RAB11FIP4: variants seen among roughly 807,000 people sequenced by gnomAD.
The protein encoded by RAB11FIP4 is rab11 family-interacting protein 4.
Under a neutral mutation model 74.3 loss-of-function variants are expected in RAB11FIP4, and 23 were observed. The ratio of observed to expected loss-of-function variants is 0.31; its 90% CI spans 0.22 to 0.44. RAB11FIP4 has a LOEUF of 0.44. Among genes scored for constraint, RAB11FIP4 ranks in the 20% least tolerant of loss-of-function variants. RAB11FIP4 has a pLI of 1.00. For missense variants in RAB11FIP4, 630 were observed against 863.9 expected, an observed-to-expected ratio of 0.73 and a Z score of 3.39; for synonymous variants, 360 against 359.9, an observed-to-expected ratio of 1.00 and a Z score of 0.00.
Position 31,491,568 on chromosome 17 carries a change from G to A in RAB11FIP4, c.337-26083G>A, listed in dbSNP as rs1360053989. 2.0e-5 allele frequency among the ~76,000 whole-genome samples: 3 copies of A among 152,178 alleles called. No homozygotes were observed. The East Asian group carries it at 5.8e-4, about 29-fold the overall frequency. On this transcript the variant is annotated intron_variant, in intron 3 of 14. Coordinates refer to ENST00000621161, the MANE Select transcript of RAB11FIP4 (RefSeq NM_032932.6). ...GGCAGAGAAAAGAGGAACTGCAAGG[G>A]CCCTGAGGTGGGACGGTGGCTGGCA...
intron 3 of RAB11FIP4, among the ~76,000 whole-genome samples, chr17:31,479,418 T>C (rs1458887249): frequency 6.6e-6 from 1 of 152,204 alleles, no homozygotes; most frequent in Non-Finnish European, 1.5e-5. Flanking sequence ...GGGTGAGGGA[T>C]TCTCAGTCCC....
chr17:31,433,995 CA>C, intron 2 of RAB11FIP4, 38 bp from the exon 3 acceptor site: 1 of 1,541,262 alleles, frequency 6.5e-7, no homozygotes, highest in African/African-American at 1.3e-5. Context: ...GGCTGAGGCT[CA>C]ACCCCTCACT....
chr17:31,481,824 C>T (rs537369902), intron 3 of RAB11FIP4, among the ~76,000 whole-genome samples: 22 of 152,244 alleles, frequency 1.4e-4, no homozygotes, highest in African/African-American at 5.1e-4. Flanking sequence ...CAGGTTGACA[C>T]AAATAGAGCT....
intron 3 of RAB11FIP4, among the ~76,000 whole-genome samples, chr17:31,482,937 A>G (rs916123427): frequency 2.6e-5 from 4 of 151,576 alleles, no homozygotes; most frequent in Non-Finnish European, 5.9e-5. Context: ...GCTCACACCC[A>G]TAATCCCAGC....
chr17:31,463,028 C>T (rs767790712), intron 3 of RAB11FIP4, among the ~76,000 whole-genome samples: 2 of 152,160 alleles, frequency 1.3e-5, no homozygotes, highest in African/African-American at 2.4e-5. Context: ...ATCATGAGGC[C>T]GCCTCTGCAC....
At chr17:31,528,567 C>G (rs1232835451) in intron 12 of RAB11FIP4, 24 bp downstream of exon 12, 2 of 1,613,412 alleles carry the variant, frequency 1.2e-6, no homozygotes, top group African/African-American at 2.7e-5. Context: ...CAGCAGGCAC[C>G]AGGGCTCCTT....
chr17:31,428,520 A>G (rs180793818), intron 1 of RAB11FIP4, among the ~76,000 whole-genome samples: 113 of 152,246 alleles, frequency 7.4e-4, no homozygotes, highest in Middle Eastern at 3.4e-3. Flanking sequence ...TGGCTGTGCT[A>G]TAGATACTGA....
rs923338064 is a variant in RAB11FIP4 at position 31,512,477 on chromosome 17, G to A, written c.337-5174G>A. On this transcript the variant is annotated intron_variant, in intron 3 of 14. Transcript: ENST00000621161. The surrounding 1 kb of genome is among the most constrained non-coding windows in gnomAD (Gnocchi z 4.1). ...CCTCCTGGGGCTTCTGGAGGAACAC[G>A]CTGCTGCATCCGCTCTCTCCCTTCA... 2.6e-5 allele frequency among the ~76,000 whole-genome samples: 4 copies of A among 152,140 alleles called. No individual in the cohort carries two copies. The highest frequency in any genetic ancestry group is 6.5e-5 in the Admixed American group (1 of 15,286).
chr17:31,404,605 T>C (rs2071026051), intron 1 of RAB11FIP4, among the ~76,000 whole-genome samples: 2 of 152,230 alleles, frequency 1.3e-5, no homozygotes, highest in South Asian at 4.1e-4. Context: ...TACCACCACC[T>C]CTAGGTTTTC....
chr17:31,459,707 G>C (rs533002195), intron 3 of RAB11FIP4, among the ~76,000 whole-genome samples: 1 of 152,092 alleles, frequency 6.6e-6, no homozygotes, highest in East Asian at 1.9e-4. Context: ...TGTCATCTTT[G>C]ACACAGCTCG....
At chr17:31,522,080 G>C in intron 6 of RAB11FIP4, 31 bp downstream of exon 6, 1 of 1,613,462 alleles carries the variant, frequency 6.2e-7, no homozygotes. Context: ...GGGGGTGAGA[G>C]GCCGGGGGGC....
At chr17:31,525,467 C>A in intron 10 of RAB11FIP4, 1 of 550,556 alleles carries the variant, frequency 1.8e-6, no homozygotes, top group South Asian at 2.4e-5. Context: ...TAATGCAAAC[C>A]ACACAAATGT....
chr17:31,528,365 T>C, intron 11 of RAB11FIP4, 41 bp from the exon 12 acceptor site: 1 of 1,595,510 alleles, frequency 6.3e-7, no homozygotes, highest in South Asian at 1.1e-5. Flanking sequence ...TGAGCCCCTC[T>C]CTGGGAACTC....
At chr17:31,516,996 A>T (rs1005341387) in intron 3 of RAB11FIP4, among the ~76,000 whole-genome samples, 8 of 151,742 alleles carry the variant, frequency 5.3e-5, no homozygotes, top group African/African-American at 1.9e-4. Context: ...CACCCTATGC[A>T]AACATCTGAT....
chr17:31,528,887 C>G (rs929684876), intron 13 of RAB11FIP4, 109 bp downstream of exon 13: 58 of 1,231,084 alleles, frequency 4.7e-5, no homozygotes, highest in Non-Finnish European at 6.3e-5. Flanking sequence ...GCAGCACTGC[C>G]TGTCTGCTTC....
At chr17:31,435,316 T>C (rs945084481) in intron 3 of RAB11FIP4, among the ~76,000 whole-genome samples, 1 of 152,114 alleles carries the variant, frequency 6.6e-6, no homozygotes, top group Non-Finnish European at 1.5e-5. Flanking sequence ...ACCAACCCCA[T>C]CCTGAAGCTC....
chr17:31,528,920 T>C (rs2072820238), intron 13 of RAB11FIP4, 142 bp downstream of exon 13: 2 of 917,566 alleles, frequency 2.2e-6, no homozygotes, highest in African/African-American at 3.3e-5. Context: ...TTGCCAGGGC[T>C]GACTGCCCCA....
At position 31,445,564 on chromosome 17, in the gene RAB11FIP4, ATATATATATATATATTTTTTTTTTTTT is replaced by A. The variant is rs1213745374; in HGVS notation, c.336+11444_336+11470del. Among the ~76,000 whole-genome samples the A allele has an allele frequency of 4.5e-3, 59 of 13,122 alleles. 4 individuals are homozygous for A. Among genetic ancestry groups the A allele is most frequent in the African/African-American group, 0.014 (57 of 4,124 alleles). The allele number at this position is 13,122 out of a possible 152,430, so 8.6% of individuals were successfully genotyped here. On this transcript the variant is annotated intron_variant, in intron 3 of 14. Transcript: ENST00000621161. ...TATATATATATATATATATATATAT[ATATATATATATATATTTTTTTTTTTTT>A]TTTTTTTTTTTTGACACGGAGTCTT...
intron 3 of RAB11FIP4, among the ~76,000 whole-genome samples, chr17:31,457,810 G>A (rs2071593361): frequency 6.6e-6 from 1 of 151,828 alleles, no homozygotes; most frequent in African/African-American, 2.4e-5. Flanking sequence ...GTCTGCATGT[G>A]TGCCTCCCTC....
Sources: gnomAD v4.1 joint callset for allele counts (sites outside exome capture counted in the v4.1 genomes callset) on GRCh38, gnomAD v4.1.1 for gene constraint, Gnocchi (gnomAD v3.1) non-coding constraint, MANE v1.5 for transcripts, NCBI Gene and HGNC (gene_info 2026-07-23, HGNC 2026-07-21) for gene names.